Variants in TBX1 observed in about 807,000 individuals in gnomAD.
TBX1 encodes T-box transcription factor TBX1.
In TBX1, 16 loss-of-function variants were observed where a neutral mutation model predicts 40.8. The observed-to-expected ratio is 0.39, with a 90% confidence interval of 0.27 to 0.60. TBX1 has a LOEUF of 0.60. TBX1 is among the 20% of genes least tolerant of loss of function. The pLI is 0.51. For missense variants in TBX1, 755 were observed against 728.5 expected (o/e 1.04, Z -0.42); for synonymous variants, 403 against 336.8 (o/e 1.20, Z -2.15).
At chr22:19,760,201 GA>G (rs1936596320), upstream of TBX1, among the ~76,000 whole-genome samples, 1 of 137,220 alleles carries the variant, frequency 7.3e-6, no homozygotes, top group Non-Finnish European at 1.5e-5. Context: ...AGAAAAAAAG[GA>G]AAGACTTTAG....
upstream of TBX1, among the ~76,000 whole-genome samples, chr22:19,759,010 A>C (rs1392063796): frequency 6.6e-6 from 1 of 151,656 alleles, no homozygotes; most frequent in Non-Finnish European, 1.5e-5. Context: ...GCCAGGGAGG[A>C]GGTGGAGGCG....
At chr22:19,763,174 G>A (rs1936722131) in intron 1 of TBX1, 67 bp from the exon 2 acceptor site, 1 of 1,367,840 alleles carries the variant, frequency 7.3e-7, no homozygotes, top group Non-Finnish European at 1.0e-6. Flanking sequence ...GGGGCCGCCA[G>A]CCCCAGGCAG....
chr22:19,770,942 T>A (rs549750688), downstream of TBX1, among the ~76,000 whole-genome samples: 121 of 152,220 alleles, frequency 7.9e-4, no homozygotes, highest in African/African-American at 2.6e-3. Context: ...TTCCAGAGAC[T>A]CTGTGTTCCA....
intron 1 of TBX1, among the ~76,000 whole-genome samples, chr22:19,762,898 T>C (rs954889226): frequency 6.6e-6 from 1 of 152,166 alleles, no homozygotes; most frequent in Non-Finnish European, 1.5e-5. Flanking sequence ...GGCACCCTGC[T>C]GCCGGCCGAA....
downstream of TBX1, chr22:19,783,083 C>A: frequency 1.3e-6 from 1 of 785,396 alleles, no homozygotes; most frequent in Non-Finnish European, 2.4e-6. Flanking sequence ...AGGCTCCAAG[C>A]ACCTGAGTGA....
chr22:19,771,214 G>A (rs1445859158), downstream of TBX1, among the ~76,000 whole-genome samples: 2 of 152,226 alleles, frequency 1.3e-5, no homozygotes, highest in Non-Finnish European at 2.9e-5. Flanking sequence ...GCAGGTGGGG[G>A]CACGGCCCCC....
intron 8 of TBX1, among the ~76,000 whole-genome samples, chr22:19,775,387 G>A (rs914496981): frequency 4.6e-5 from 7 of 152,166 alleles, no homozygotes; most frequent in Admixed American, 3.3e-4. Context: ...GAGGCGCTGC[G>A]CCCAGCCAAA....
At chr22:19,756,935 C>T (rs1286753997), upstream of TBX1, among the ~76,000 whole-genome samples, 1 of 136,050 alleles carries the variant, frequency 7.4e-6, no homozygotes, top group Non-Finnish European at 1.6e-5. Context: ...CGGCGGAGCG[C>T]GGCGGGGCGG....
Position 19,760,941 on chromosome 22 carries a change from C to T in TBX1, c.98C>T (p.Ala33Val). 2 of 1,009,072 alleles carry T rather than the reference C, an allele frequency of 2.0e-6. No homozygotes were observed. Among genetic ancestry groups the T allele is most frequent in the Non-Finnish European group, 2.4e-6 (2 of 843,458 alleles). 62.5% of individuals were successfully genotyped at this position (1,009,072 alleles called of 1,614,324 possible). Reference sequence around the variant, plus strand: ...AGCAGCCTGAGCAGCCTGGGGGCCGCGGGGGGCTTCCCGGGCGCCGCGTCG... The same window carrying T: ...AGCAGCCTGAGCAGCCTGGGGGCCGTGGGGGGCTTCCCGGGCGCCGCGTCG... ...TASSLSSLGA[A>V]GGFPGAASPG... Residue 33 changes from alanine (A) to valine (V), a missense_variant, in exon 1 of 7, where the codon GCG (alanine) becomes GTG (valine). Transcript: ENST00000649276.
chr22:19,782,164 A>G (rs568614622), downstream of TBX1, among the ~76,000 whole-genome samples: 22 of 152,342 alleles, frequency 1.4e-4, no homozygotes, highest in South Asian at 4.6e-3. Context: ...TATGAATTTC[A>G]AAATGGCTTT....
chr22:19,757,525 C>T (rs2145821473), upstream of TBX1, among the ~76,000 whole-genome samples: 1 of 152,342 alleles, frequency 6.6e-6, no homozygotes, highest in East Asian at 1.9e-4. Flanking sequence ...AGGACACAAG[C>T]TTGGGCATAC....
At chr22:19,758,815 G>A (rs41299453), upstream of TBX1, among the ~76,000 whole-genome samples, 128 of 152,344 alleles carry the variant, frequency 8.4e-4, 1 homozygote, top group South Asian at 4.8e-3. Context: ...CGCAGCCTGG[G>A]CAGCGTCCCT....
chr22:19,759,769 C>T, upstream of TBX1: 1 of 1,436,782 alleles, frequency 7.0e-7, no homozygotes, highest in Non-Finnish European at 9.6e-7. Context: ...GTGGAGGCAG[C>T]TCTTGGTAGC....
downstream of TBX1, chr22:19,783,269 G>A (rs548937097): frequency 3.9e-6 from 2 of 513,574 alleles, no homozygotes; most frequent in East Asian, 3.6e-5. Flanking sequence ...ATGGCACCAG[G>A]ATGAGGCCAA....
downstream of TBX1, among the ~76,000 whole-genome samples, chr22:19,772,145 C>T (rs1035980906): frequency 2.0e-5 from 3 of 152,206 alleles, no homozygotes; most frequent in Admixed American, 6.5e-5. Context: ...CTCTGTCGCC[C>T]AGGCTGGAGT....
upstream of TBX1, chr22:19,759,416 G>GTGGGCTGGGC: frequency 7.8e-7 from 1 of 1,286,526 alleles, no homozygotes; most frequent in Middle Eastern, 2.9e-4. Context: ...CCCGGACTCC[G>GTGGGCTGGGC]TGGGCTGGGC....
Position 19,765,078 on chromosome 22 carries a change from C to T in TBX1, c.832C>T (p.Arg278Ter). Residue 278 changes from arginine to a stop codon, truncating the protein, a stop_gained, in exon 4 of 7, where the codon CGA becomes TGA. Coordinates refer to ENST00000649276, the MANE Select transcript of TBX1 (RefSeq NM_001379200.1). LOFTEE classifies it high-confidence loss of function. ...NFKTFVFEET[R>*]FTAVTAYQNH... Reference sequence around the variant, plus strand: ...CAAAACCTTTGTGTTCGAGGAGACACGATTCACCGCGGTCACTGCCTACCA... The same window carrying T: ...CAAAACCTTTGTGTTCGAGGAGACATGATTCACCGCGGTCACTGCCTACCA... 6.2e-7 allele frequency: 1 copy of T among 1,614,236 alleles called. No individual in the cohort carries two copies. The highest frequency in any genetic ancestry group is 8.5e-7 in the Non-Finnish European group (1 of 1,180,046).
intron 8 of TBX1, among the ~76,000 whole-genome samples, chr22:19,773,952 C>T (rs1350202347): frequency 1.3e-5 from 2 of 152,244 alleles, no homozygotes; most frequent in Non-Finnish European, 2.9e-5. Flanking sequence ...AGCTGTTTCT[C>T]ATGCACAGGT....
In TBX1 at chr22:19,767,142, G is replaced by A. The variant is rs977663085; in HGVS notation, c.*275G>A. 2.4e-6 allele frequency: 3 copies of A among 1,245,174 alleles called. No homozygotes were observed. Among genetic ancestry groups the A allele is most frequent in the Non-Finnish European group, 3.0e-6 (3 of 994,790 alleles). 77.1% of individuals were successfully genotyped at this position (1,245,174 alleles called of 1,614,324 possible). A position where few individuals can be genotyped will look rare whatever the true frequency, so the allele number is the denominator to read the frequency against. On this transcript the variant is annotated 3_prime_UTR_variant, in exon 7 of 7. Coordinates refer to ENST00000649276, the MANE Select transcript of TBX1 (RefSeq NM_001379200.1). ...GGTCCCCGCCCGCCAGTGCCAAAGC[G>A]CCCGGTCGGAGGCGGAAGGAAGTGA... is the stretch of plus-strand genomic sequence containing the variant.
Sources: allele counts gnomAD v4.1 joint callset (sites outside exome capture counted in the v4.1 genomes callset), GRCh38; gene constraint gnomAD v4.1.1; transcripts MANE v1.5; gene names NCBI Gene and HGNC (gene_info 2026-07-23, HGNC 2026-07-21).